The following TICAM2 variants were observed in gnomAD, a reference collection of about 807,000 sequenced individuals.
TICAM2 encodes TIR domain-containing adapter molecule 2.
Under a neutral mutation model 7.3 loss-of-function variants are expected in TICAM2, and 8 were observed. The observed-to-expected ratio is 1.10, with a 90% confidence interval of 0.65 to 1.99. The LOEUF (loss-of-function observed/expected upper bound fraction) is 1.99. TICAM2 is among the 30% of genes most tolerant of loss of function. TICAM2 has a pLI of 0.00. For missense variants in TICAM2, 304 were observed against 278.8 expected, an observed-to-expected ratio of 1.09 and a Z score of -0.65; for synonymous variants, 113 against 99.6, an observed-to-expected ratio of 1.13 and a Z score of -0.80.
intron 1 of TICAM2, among the ~76,000 whole-genome samples, chr5:115,589,895 T>C (rs896317436): frequency 6.6e-6 from 1 of 152,222 alleles, no homozygotes; most frequent in Non-Finnish European, 1.5e-5. Flanking sequence ...TCCAAAGATA[T>C]GACAGAATTC....
intron 1 of TICAM2, among the ~76,000 whole-genome samples, chr5:115,586,388 A>G (rs1009195280): frequency 6.6e-6 from 1 of 150,968 alleles, no homozygotes; most frequent in Non-Finnish European, 1.5e-5. Context: ...ATAAATCATT[A>G]ATGAAACCAT....
At chr5:115,596,164 T>G (rs1755502296) in intron 1 of TICAM2, among the ~76,000 whole-genome samples, 1 of 152,146 alleles carries the variant, frequency 6.6e-6, no homozygotes, top group Non-Finnish European at 1.5e-5. Context: ...ACAGATAATC[T>G]CAAATTGTTT....
chr5:115,592,785 G>A (rs1373631980), intron 1 of TICAM2, among the ~76,000 whole-genome samples: 1 of 152,086 alleles, frequency 6.6e-6, no homozygotes, highest in African/African-American at 2.4e-5. Context: ...TTTAAAAAAA[G>A]GATAATCCAT....
chr5:115,592,730 A>G (rs890464244), intron 1 of TICAM2, among the ~76,000 whole-genome samples: 3 of 152,260 alleles, frequency 2.0e-5, no homozygotes, highest in African/African-American at 7.2e-5. Context: ...ACTCATGATT[A>G]TTACTTCAAA....
rs1285895175 is a variant in TICAM2, at chr5:115,580,875, C to T, written c.382G>A (p.Ala128Thr). The T allele has an allele frequency of 6.2e-7, 1 of 1,613,454 alleles. No homozygotes were observed. The highest frequency in any genetic ancestry group is 1.3e-5 in the African/African-American group (1 of 74,912). Residue 128 changes from alanine to threonine, a missense_variant, in exon 2 of 2, where the codon GCT (alanine) becomes ACT (threonine). Physicochemically the swap from Ala to Thr is moderately conservative, Grantham distance 58 (BLOSUM62 0). Coordinates refer to ENST00000427199, the MANE Select transcript of TICAM2 (RefSeq NM_021649.7). ...ATTGTCCATGCAGACCCATTTACAG[C>T]ATCATCTAAATTCTGTAAATGCTGT... ...GRQHLQNLDD[A>T]VNGSAWTILL...
chr5:115,592,837 T>C (rs1177663513), intron 1 of TICAM2, among the ~76,000 whole-genome samples: 3 of 152,340 alleles, frequency 2.0e-5, no homozygotes, highest in East Asian at 1.9e-4. Flanking sequence ...AAGGTTGATC[T>C]GACAAGTAAA....
At chr5:115,598,640 G>A (rs1755601517) in intron 1 of TICAM2, among the ~76,000 whole-genome samples, 1 of 151,918 alleles carries the variant, frequency 6.6e-6, no homozygotes, top group Admixed American at 6.6e-5. Context: ...CCTAGTTTCT[G>A]CTTAACCCCC....
Position 115,580,554 on chromosome 5 carries a change from C to T in TICAM2, c.703G>A (p.Ala235Thr). 1 of 1,589,040 alleles carries T rather than the reference C, an allele frequency of 6.3e-7. No individual in the cohort carries two copies. The stretch of plus-strand genomic sequence containing the variant: ...CACATGTTATATGTTTCATCTCAGG[C>T]AATAAATTGTCTTTGTACCATATTT... Reference protein sequence around the residue: ...TRNMVQRQFIA With the variant: ...TRNMVQRQFIT The change falls in exon 2 of 2, where the codon GCC becomes ACC. Residue 235 changes from alanine to threonine, a missense_variant. Physicochemically the swap from Ala to Thr is moderately conservative, Grantham distance 58. Transcript: ENST00000427199.
At chr5:115,591,338 G>A (rs1196942204) in intron 1 of TICAM2, among the ~76,000 whole-genome samples, 1 of 152,168 alleles carries the variant, frequency 6.6e-6, no homozygotes, top group Non-Finnish European at 1.5e-5. Context: ...AGGAATGGAA[G>A]CATTCTTTTT....
chr5:115,583,164 G>T (rs1754989203), intron 1 of TICAM2, among the ~76,000 whole-genome samples: 2 of 152,142 alleles, frequency 1.3e-5, no homozygotes, highest in African/African-American at 4.8e-5. Context: ...AAAGGGTTTT[G>T]CTATGCAAAG....
chr5:115,590,865 C>T (rs577727657), intron 1 of TICAM2, among the ~76,000 whole-genome samples: 1 of 152,250 alleles, frequency 6.6e-6, no homozygotes, highest in South Asian at 2.1e-4. Flanking sequence ...AGGCATTTCC[C>T]AAGATCCATT....
At chr5:115,582,876 A>G (rs1435192361) in intron 1 of TICAM2, among the ~76,000 whole-genome samples, 7 of 76,500 alleles carry the variant, frequency 9.2e-5, no homozygotes, top group South Asian at 5.0e-4. Context: ...AACAAAAACC[A>G]AGGAAAAAAA....
rs1245988697 is a variant in TICAM2, at chr5:115,580,260, G to C, written c.*289C>G. The C allele has an allele frequency of 3.7e-6, 1 of 273,200 alleles. No homozygotes were observed. The highest frequency in any genetic ancestry group is 6.7e-6 in the Non-Finnish European group (1 of 149,204). 16.9% of individuals were successfully genotyped at this position (273,200 alleles called of 1,614,324 possible). ...TCTGTCATACAAGTTTTTGTTCAAG[G>C]TTCAATACAAGGAATATGGATTGAG... On this transcript the variant is annotated 3_prime_UTR_variant, in exon 2 of 2. Coordinates refer to ENST00000427199, the MANE Select transcript of TICAM2 (RefSeq NM_021649.7).
At chr5:115,589,001 T>C (rs1221661427) in intron 1 of TICAM2, among the ~76,000 whole-genome samples, 4 of 152,192 alleles carry the variant, frequency 2.6e-5, no homozygotes, top group Non-Finnish European at 4.4e-5. Context: ...CACACCTTTC[T>C]ACTTAAACTA....
chr5:115,584,306 T>C (rs1008085403), intron 1 of TICAM2, among the ~76,000 whole-genome samples: 1 of 152,238 alleles, frequency 6.6e-6, no homozygotes, highest in Non-Finnish European at 1.5e-5. Flanking sequence ...TAAACATTAG[T>C]ATACATTGCT....
At chr5:115,599,950 T>C (rs904338388) in intron 1 of TICAM2, among the ~76,000 whole-genome samples, 2 of 152,080 alleles carry the variant, frequency 1.3e-5, no homozygotes, top group African/African-American at 4.8e-5. Flanking sequence ...CAAAAATCAC[T>C]GCTATTTGGA....
At chr5:115,600,452 A>G (rs1755682422) in intron 1 of TICAM2, among the ~76,000 whole-genome samples, 1 of 152,230 alleles carries the variant, frequency 6.6e-6, no homozygotes, top group Non-Finnish European at 1.5e-5. Context: ...TATGGCTAGA[A>G]AAATATGGCC....
chr5:115,580,716 G>A lies in TICAM2; in HGVS notation c.541C>T (p.Pro181Ser). 6.3e-7 allele frequency: 1 copy of A among 1,599,800 alleles called. No homozygotes were observed. Among genetic ancestry groups the A allele is most frequent in the Non-Finnish European group, 8.5e-7 (1 of 1,174,658 alleles). ...AGGGCAAAGGGAGTCCTTTCTCGGG[G>A]AAGGGGATTGTTCAGGGGCCGCATG... ...IPMRPLNNPL[P>S]RERTPFALQT... Residue 181 changes from proline (P) to serine (S), a missense_variant, in exon 2 of 2, where the codon CCC becomes TCC. Transcript: ENST00000427199.
intron 1 of TICAM2, among the ~76,000 whole-genome samples, chr5:115,594,394 A>C (rs1369114914): frequency 1.3e-5 from 2 of 152,170 alleles, no homozygotes; most frequent in African/African-American, 4.8e-5. Context: ...TTTGTCTTAG[A>C]TGTCTTTTTA....
Sources: allele counts gnomAD v4.1 joint callset (sites outside exome capture counted in the v4.1 genomes callset), GRCh38; gene constraint gnomAD v4.1.1; transcripts MANE v1.5; gene names NCBI Gene and HGNC (gene_info 2026-07-23, HGNC 2026-07-21).